Variants in PRICKLE1 observed in about 807,000 individuals in gnomAD.
The protein encoded by PRICKLE1 is prickle planar cell polarity protein 1.
PRICKLE1 carries 14 observed loss-of-function variants against 70.2 expected under a neutral mutation model. The ratio of observed to expected loss-of-function variants is 0.20; its 90% CI spans 0.13 to 0.31. The LOEUF is 0.31. Among genes scored for constraint, PRICKLE1 ranks in the 10% least tolerant of loss-of-function variants. The pLI, the probability that PRICKLE1 is intolerant of heterozygous loss-of-function variation, is 1.00. For synonymous variants in PRICKLE1, 357 were observed against 379.9 expected (o/e 0.94, Z 0.70); for missense variants, 821 against 1,026.2 (o/e 0.80, Z 2.73).
In PRICKLE1 at chr12:42,512,329, C is replaced by A. The variant is rs554023788; in HGVS notation, c.-48-39765G>T. Among the ~76,000 whole-genome samples, 10 of 134,322 alleles carry A rather than the reference C, an allele frequency of 7.4e-5. No individual in the cohort carries two copies. In the East Asian group the frequency reaches 2.2e-3, roughly 30 times the overall value. The allele number at this position is 134,322 out of a possible 152,430, so 88.1% of individuals were successfully genotyped here. On this transcript the variant is annotated intron_variant, in intron 1 of 7. Coordinates refer to ENST00000345127, the MANE Select transcript of PRICKLE1 (RefSeq NM_153026.3). ...GGGACTACAGGTGTGCGGCACCATG[C>A]CCAGCTAATTTTTTTTGTATTTTTT...
chr12:42,472,643 G>A, intron 1 of PRICKLE1, 79 bp from the exon 2 acceptor site: 1 of 1,218,844 alleles, frequency 8.2e-7, no homozygotes. Flanking sequence ...AGCTTTTATT[G>A]AATGCTGTTA....
chr12:42,576,109 G>A (rs763858300), intron 1 of PRICKLE1, among the ~76,000 whole-genome samples: 1 of 152,166 alleles, frequency 6.6e-6, no homozygotes, highest in Non-Finnish European at 1.5e-5. Context: ...CAGGCACTCA[G>A]TAAAGGTGTG....
chr12:42,490,100 C>T (rs1253927771), intron 1 of PRICKLE1: 2 of 152,076 alleles, frequency 1.3e-5, no homozygotes, highest in Non-Finnish European at 2.9e-5. Flanking sequence ...TTCAGAACTA[C>T]AGAACAAACC....
At chr12:42,581,348 C>T (rs1300621405) in intron 1 of PRICKLE1, among the ~76,000 whole-genome samples, 1 of 151,748 alleles carries the variant, frequency 6.6e-6, no homozygotes, top group Non-Finnish European at 1.5e-5. Flanking sequence ...TAAAAAAAAA[C>T]TGGCTTTTTC....
rs147373499 is a variant in PRICKLE1, at chr12:42,527,215, C to A, written c.-48-54651G>T. ...TGGCACAATCTCGGCTCACTGCAAT[C>A]TCTGCCTCCCAGGTTCAAGTGATTC... On this transcript the variant is annotated intron_variant, in intron 1 of 7. Transcript: ENST00000345127. Among the ~76,000 whole-genome samples, 259 of 139,988 alleles carry A rather than the reference C, an allele frequency of 1.9e-3. 2 individuals are homozygous for A. Among genetic ancestry groups the A allele is most frequent in the African/African-American group, 5.8e-3 (214 of 36,746 alleles). The allele number at this position is 139,988 out of a possible 152,430, so 91.8% of individuals were successfully genotyped here. A position where few individuals can be genotyped will look rare whatever the true frequency, so the allele number is the denominator to read the frequency against.
At chr12:42,467,100 CTTTT>C (rs1291937694) in intron 5 of PRICKLE1, among the ~76,000 whole-genome samples, 1 of 151,712 alleles carries the variant, frequency 6.6e-6, no homozygotes. Context: ...TAGTCTGGTT[CTTTT>C]TTTATTTTTA....
intron 1 of PRICKLE1, among the ~76,000 whole-genome samples, chr12:42,557,505 T>G (rs1030386418): frequency 2.0e-5 from 3 of 152,146 alleles, no homozygotes; most frequent in Non-Finnish European, 2.9e-5. Context: ...TATGCTTCCC[T>G]GAAAATTTGG....
intron 1 of PRICKLE1, among the ~76,000 whole-genome samples, chr12:42,555,795 C>T (rs1291303910): frequency 6.6e-6 from 1 of 152,044 alleles, no homozygotes; most frequent in Non-Finnish European, 1.5e-5. Flanking sequence ...CTAGAATGGC[C>T]ATTATTTCTG....
chr12:42,518,011 C>A (rs147851803), intron 1 of PRICKLE1, among the ~76,000 whole-genome samples: 48 of 152,062 alleles, frequency 3.2e-4, no homozygotes, highest in African/African-American at 1.2e-3. Flanking sequence ...GAATTTAAGA[C>A]CCAGTCTAAT....
Position 42,459,482 on chromosome 12 carries a change from C to G in PRICKLE1, c.*327G>C, listed in dbSNP as rs909656134. The G allele has an allele frequency of 3.0e-6, 2 of 656,254 alleles. No individual in the cohort carries two copies. Among genetic ancestry groups the G allele is most frequent in the Non-Finnish European group, 5.5e-6 (2 of 364,412 alleles). The allele number at this position is 656,254 out of a possible 1,614,324, so 40.7% of individuals were successfully genotyped here. A position where few individuals can be genotyped will look rare whatever the true frequency, so the allele number is the denominator to read the frequency against. On this transcript the variant is annotated 3_prime_UTR_variant, in exon 8 of 8. Transcript: ENST00000345127. The stretch of plus-strand genomic sequence containing the variant: ...AAAGGTGGCTGGAGTTCTCCATCTT[C>G]TAAAATCAACATCCAATCCCCTTCA...
intron 1 of PRICKLE1, among the ~76,000 whole-genome samples, chr12:42,551,077 T>A (rs982278149): frequency 6.6e-6 from 1 of 151,228 alleles, no homozygotes; most frequent in Non-Finnish European, 1.5e-5. Context: ...AGACTATGTA[T>A]TTTTTTAATA....
intron 1 of PRICKLE1, among the ~76,000 whole-genome samples, chr12:42,497,381 T>TA (rs1185614560): frequency 1.1e-4 from 17 of 151,610 alleles, no homozygotes; most frequent in African/African-American, 3.9e-4. Context: ...CTGTCTCTAC[T>TA]AAAAATACAA....
At chr12:42,549,116 C>T (rs937293113) in intron 1 of PRICKLE1, among the ~76,000 whole-genome samples, 2 of 101,874 alleles carry the variant, frequency 2.0e-5, no homozygotes, top group Non-Finnish European at 3.8e-5. Context: ...GAGACCCTGT[C>T]TCCAAAAAAA....
intron 1 of PRICKLE1, chr12:42,485,256 T>G (rs1302709040): frequency 5.4e-5 from 8 of 147,710 alleles, no homozygotes; most frequent in African/African-American, 1.3e-4. Context: ...TTTTTTTTTT[T>G]TTTTTTTTTT....
intron 1 of PRICKLE1, among the ~76,000 whole-genome samples, chr12:42,574,674 G>A (rs577855595): frequency 4.2e-4 from 64 of 152,196 alleles, no homozygotes; most frequent in African/African-American, 1.4e-3. Context: ...AACCTAAGAA[G>A]GCAGAACATT....
At chr12:42,578,382 AT>A (rs371697919) in intron 1 of PRICKLE1, among the ~76,000 whole-genome samples, 1,913 of 149,044 alleles carry the variant, frequency 0.013, 35 homozygotes, top group African/African-American at 0.039. Flanking sequence ...TTCTACCTCT[AT>A]TTTTTTTTTA....
intron 1 of PRICKLE1, among the ~76,000 whole-genome samples, chr12:42,498,125 A>AG (rs34470649): frequency 0.94 from 142,187 of 151,680 alleles, 66,702 homozygotes; most frequent in East Asian, 1. Flanking sequence ...TTGGGATTAT[A>AG]GTGTGAGCCT....
chr12:42,459,988 C>CGGAAGAGGAGT lies in PRICKLE1; in HGVS notation c.2316_2317insACTCCTCTTCC (p.Glu773ThrfsTer78), dbSNP rs1937740413. On this transcript the variant is annotated frameshift_variant, in exon 8 of 8. Coordinates refer to ENST00000345127, the MANE Select transcript of PRICKLE1 (RefSeq NM_153026.3). LOFTEE classifies it high-confidence loss of function. ...TGTCCAAGAAAATATCCTTCTTCTT[C>CGGAAGAGGAGT]CGAGTCGGAAGAGGAGGAGGAGGAA... The CGGAAGAGGAGT allele has an allele frequency of 1.2e-6, 2 of 1,613,914 alleles. No homozygotes were observed. The highest frequency in any genetic ancestry group is 2.7e-5 in the African/African-American group (2 of 74,876).
At chr12:42,487,083 C>G (rs1033325209) in intron 1 of PRICKLE1, among the ~76,000 whole-genome samples, 1 of 152,164 alleles carries the variant, frequency 6.6e-6, no homozygotes, top group Non-Finnish European at 1.5e-5. Flanking sequence ...CCCTTGGGAT[C>G]CTACATCTTA....
Sources: allele counts gnomAD v4.1 joint callset (sites outside exome capture counted in the v4.1 genomes callset), GRCh38; gene constraint gnomAD v4.1.1; transcripts MANE v1.5; gene names NCBI Gene and HGNC (gene_info 2026-07-23, HGNC 2026-07-21).